The following TMEM91 variants were observed in gnomAD, a reference collection of about 807,000 sequenced individuals.
TMEM91 encodes the protein transmembrane protein 91, also known as dispanin subfamily C member 3.
TMEM91 carries 6 observed loss-of-function variants against 13.3 expected under a neutral mutation model. The ratio of observed to expected loss-of-function variants is 0.45; its 90% CI spans 0.25 to 0.89. The LOEUF (loss-of-function observed/expected upper bound fraction) is 0.89, where lower values mean the gene tolerates loss of function less well. Among genes scored for constraint, TMEM91 ranks in the 40% least tolerant of loss-of-function variants. The pLI, the probability that TMEM91 is intolerant of heterozygous loss-of-function variation, is 0.19. For missense variants in TMEM91, 193 were observed against 228.7 expected (o/e 0.84, Z 1.01); for synonymous variants, 87 against 101.7 (o/e 0.86, Z 0.87).
chr19:41,366,954 A>T (rs1027554087), intron 1 of TMEM91, among the ~76,000 whole-genome samples: 5 of 151,720 alleles, frequency 3.3e-5, no homozygotes, highest in African/African-American at 1.2e-4. Flanking sequence ...CCTGGCCAAC[A>T]TATAGCGAAA....
At chr19:41,378,719 GCT>G (rs568579646) in intron 2 of TMEM91, among the ~76,000 whole-genome samples, 200 bp downstream of exon 2, 75 of 152,128 alleles carry the variant, frequency 4.9e-4, no homozygotes, top group African/African-American at 1.7e-3. Flanking sequence ...CTGGCTTTTG[GCT>G]CTGTCTTCCC....
rs2038780355 is a variant in TMEM91 at position 41,378,409 on chromosome 19, C to T, written c.100C>T (p.Pro34Ser). ...QKPGRHELGS[P>S]LREIAFAESL... Reference sequence around the variant, plus strand: ...GCCTGGCAGGCATGAGCTGGGGTCCCCCTTAAGAGAGATAGCCTTTGCCGA... The same window carrying T: ...GCCTGGCAGGCATGAGCTGGGGTCCTCCTTAAGAGAGATAGCCTTTGCCGA... Residue 34 changes from proline (P) to serine (S), a missense_variant, in exon 2 of 4, where the codon CCC becomes TCC. Transcript: ENST00000392002. 1.2e-6 allele frequency: 2 copies of T among 1,614,074 alleles called. No individual in the cohort carries two copies. Among genetic ancestry groups the T allele is most frequent in the Non-Finnish European group, 1.7e-6 (2 of 1,180,038 alleles).
chr19:41,384,071 C>T lies in TMEM91; in HGVS notation c.*198C>T. On this transcript the variant is annotated 3_prime_UTR_variant, in exon 4 of 4. Coordinates refer to ENST00000392002, the MANE Select transcript of TMEM91 (RefSeq NM_001098821.2). ...CAACCTGAGATTAAACACCAGACAC[C>T]CTTGCAGCCAAACCAGAGTCTGTTC... 1.0e-6 allele frequency: 1 copy of T among 985,742 alleles called. No homozygotes were observed. Among genetic ancestry groups the T allele is most frequent in the Non-Finnish European group, 1.4e-6 (1 of 709,352 alleles). 61.1% of individuals were successfully genotyped at this position (985,742 alleles called of 1,614,324 possible).
At chr19:41,376,439 T>A (rs1040417245), upstream of TMEM91, 2 of 152,236 alleles carry the variant, frequency 1.3e-5, no homozygotes, top group African/African-American at 4.8e-5. Flanking sequence ...TCCTTGTTGC[T>A]GTTATTATTA....
At chr19:41,365,718 T>TC in intron 1 of TMEM91, among the ~76,000 whole-genome samples, 1 of 138,488 alleles carries the variant, frequency 7.2e-6, no homozygotes, top group East Asian at 2.2e-4. Context: ...TTTTTTTTTT[T>TC]TTTTTTTTTT....
intron 2 of TMEM91, among the ~76,000 whole-genome samples, chr19:41,380,188 C>G (rs911673491): frequency 1.3e-5 from 2 of 152,016 alleles, no homozygotes; most frequent in East Asian, 1.9e-4. Flanking sequence ...GCCACCGTGC[C>G]CAGCCGAGTC....
intron 2 of TMEM91, among the ~76,000 whole-genome samples, chr19:41,379,014 T>C (rs1220336878): frequency 6.6e-6 from 1 of 151,880 alleles, no homozygotes; most frequent in Non-Finnish European, 1.5e-5. Context: ...TGGTGTTTTT[T>C]GTAGAGAAGA....
At position 41,382,921 on chromosome 19, in the gene TMEM91, G is replaced by A. The variant is rs757914614; in HGVS notation, c.360G>A (p.Lys120=). 6.2e-7 allele frequency: 1 copy of A among 1,614,052 alleles called. No individual in the cohort carries two copies. Among genetic ancestry groups the A allele is most frequent in the Non-Finnish European group, 8.5e-7 (1 of 1,179,974 alleles). Residue 120 remains lysine, a splice_region_variant and synonymous_variant, in exon 3 of 4, where the codon AAG becomes AAA. Transcript: ENST00000392002. ...VGIAAFCLAQ[K]TNKAWAKGDI... is the part of the protein sequence containing the mutation. ...TCGCTGCCTTCTGTCTAGCCCAGAA[G>A]GTCAGTCTGTGTGTGGGACTTGGAG...
chr19:41,367,361 G>T (rs141557220), intron 1 of TMEM91, among the ~76,000 whole-genome samples: 2 of 151,974 alleles, frequency 1.3e-5, no homozygotes, highest in African/African-American at 4.8e-5. Context: ...GGCTGGGCGC[G>T]GTGGCTCACG....
chr19:41,368,427 G>C (rs8102840), intron 1 of TMEM91, among the ~76,000 whole-genome samples: 36 of 135,186 alleles, frequency 2.7e-4, no homozygotes, highest in African/African-American at 7.8e-4. Context: ...CTTTTTTTTG[G>C]GGGGGGTGGT....
At chr19:41,366,631 G>T (rs1032659464) in intron 1 of TMEM91, among the ~76,000 whole-genome samples, 9 of 151,918 alleles carry the variant, frequency 5.9e-5, no homozygotes, top group African/African-American at 7.3e-5. Flanking sequence ...CCTCATTTTT[G>T]TATTTTTAGT....
upstream of TMEM91, chr19:41,376,130 C>T (rs2038712463): frequency 1.1e-5 from 1 of 94,686 alleles, no homozygotes; most frequent in African/African-American, 4.3e-5. Flanking sequence ...AAAAACAAAA[C>T]AAAACAAACA....
chr19:41,379,031 G>A (rs1340854381), intron 2 of TMEM91, among the ~76,000 whole-genome samples: 2 of 150,946 alleles, frequency 1.3e-5, no homozygotes, highest in South Asian at 4.2e-4. Flanking sequence ...AAGAGGTTTT[G>A]TCATGTTGCC....
At chr19:41,366,925 G>A (rs1465947310) in intron 1 of TMEM91, among the ~76,000 whole-genome samples, 3 of 151,494 alleles carry the variant, frequency 2.0e-5, no homozygotes, top group Non-Finnish European at 4.4e-5. Context: ...ATACCCTGAG[G>A]TCAGGAGTTC....
At chr19:41,382,659 ATC>A in intron 2 of TMEM91, 111 bp from the exon 3 acceptor site, 3 of 1,404,808 alleles carry the variant, frequency 2.1e-6, no homozygotes, top group Non-Finnish European at 2.9e-6. Context: ...TTCTCTTTGT[ATC>A]TCTGGGGAAG....
chr19:41,371,337 C>CCTTT (rs2038615144), intron 1 of TMEM91, among the ~76,000 whole-genome samples: 2 of 146,354 alleles, frequency 1.4e-5, no homozygotes, highest in Admixed American at 1.4e-4. Flanking sequence ...TTCCTTCCTT[C>CCTTT]CTTCCTTCCT....
chr19:41,365,174 C>T (rs1259205053), intron 1 of TMEM91, among the ~76,000 whole-genome samples: 1 of 152,032 alleles, frequency 6.6e-6, no homozygotes, highest in Non-Finnish European at 1.5e-5. Flanking sequence ...GCGTGAGCCA[C>T]CCAGCCAGGC....
At chr19:41,378,222 T>C in intron 1 of TMEM91, 59 bp from the exon 2 acceptor site, 1 of 1,337,010 alleles carries the variant, frequency 7.5e-7, no homozygotes, top group East Asian at 2.3e-5. Flanking sequence ...AAGCAAGGGG[T>C]CAGAGGTTGA....
intron 1 of TMEM91, 37 bp from the exon 2 acceptor site, chr19:41,378,244 C>A: frequency 1.3e-6 from 2 of 1,526,050 alleles, no homozygotes; most frequent in Non-Finnish European, 1.8e-6. Context: ...TGAAGTGAGA[C>A]TTTTACAACT....
Sources: allele counts gnomAD v4.1 joint callset (sites outside exome capture counted in the v4.1 genomes callset), GRCh38; gene constraint gnomAD v4.1.1; transcripts MANE v1.5; gene names NCBI Gene and HGNC (gene_info 2026-07-23, HGNC 2026-07-21).